The following OPCML variants were observed in gnomAD, a reference collection of about 807,000 sequenced individuals.
The protein encoded by OPCML is opioid binding protein/cell adhesion molecule like.
OPCML carries 13 observed loss-of-function variants against 37.8 expected under a neutral mutation model. The observed-to-expected ratio is 0.34, with a 90% CI of 0.22 to 0.55. The LOEUF (loss-of-function observed/expected upper bound fraction) is 0.55, where lower values mean the gene tolerates loss of function less well. Ranked by LOEUF, OPCML falls within the 20% of genes least tolerant of loss-of-function variation. OPCML has a pLI of 0.91. For synonymous variants in OPCML, 176 were observed against 168.8 expected (o/e 1.04, Z -0.33); for missense variants, 341 against 435.6 (o/e 0.78, Z 1.93).
intron 4 of OPCML, among the ~76,000 whole-genome samples, chr11:132,497,016 GT>G (rs1476895292): frequency 6.6e-6 from 1 of 152,082 alleles, no homozygotes; most frequent in Non-Finnish European, 1.5e-5. Context: ...CTCTGTGTGT[GT>G]GAGTGATGGT....
At chr11:132,823,993 C>T (rs1940147248) in intron 2 of OPCML, among the ~76,000 whole-genome samples, 1 of 152,208 alleles carries the variant, frequency 6.6e-6, no homozygotes, top group South Asian at 2.1e-4. Flanking sequence ...GGACACCTGT[C>T]TAATTGCTGG....
chr11:133,358,809 G>A (rs994832763), intron 1 of OPCML, among the ~76,000 whole-genome samples: 3 of 152,090 alleles, frequency 2.0e-5, no homozygotes, highest in Admixed American at 6.5e-5. Flanking sequence ...TGGGGGGAAG[G>A]CGTGTTCCTT....
intron 1 of OPCML, among the ~76,000 whole-genome samples, chr11:133,236,902 C>A (rs546710856): frequency 1.2e-4 from 17 of 147,406 alleles, no homozygotes; most frequent in Admixed American, 1.1e-3. Flanking sequence ...AGGGAGGATG[C>A]GTCAGGTTAT....
At chr11:132,859,464 A>G (rs138197424) in intron 2 of OPCML, 7 of 152,348 alleles carry the variant, frequency 4.6e-5, no homozygotes, top group African/African-American at 1.4e-4. Context: ...AGCTGTGTAG[A>G]TTAGGTTTTA....
chr11:133,307,975 T>C (rs1024455910), intron 1 of OPCML, among the ~76,000 whole-genome samples: 18 of 152,092 alleles, frequency 1.2e-4, no homozygotes, highest in African/African-American at 4.3e-4. Context: ...GAGTTCTGAA[T>C]CATGTTTAGT....
intron 1 of OPCML, among the ~76,000 whole-genome samples, chr11:133,344,650 C>T (rs969168779): frequency 1.3e-5 from 2 of 152,102 alleles, no homozygotes; most frequent in East Asian, 3.9e-4. Context: ...TTTTTGAGAA[C>T]CCCCCACACT....
intron 2 of OPCML, among the ~76,000 whole-genome samples, chr11:132,863,978 C>T (rs1053815286): frequency 6.6e-6 from 1 of 152,102 alleles, no homozygotes; most frequent in Non-Finnish European, 1.5e-5. Flanking sequence ...CATGCTGTCG[C>T]CCAGGCTGGA....
chr11:132,955,101 A>G (rs557217007), intron 1 of OPCML, among the ~76,000 whole-genome samples: 1 of 152,244 alleles, frequency 6.6e-6, no homozygotes, highest in South Asian at 2.1e-4. Context: ...AGGTGTGGAG[A>G]AAACAAATGC....
chr11:132,680,157 T>C (rs1942878328), intron 2 of OPCML, among the ~76,000 whole-genome samples: 1 of 152,172 alleles, frequency 6.6e-6, no homozygotes, highest in Non-Finnish European at 1.5e-5. Flanking sequence ...TGAGTGGCCG[T>C]GATCAAGCCA....
chr11:132,902,813 GA>G (rs1944108366), intron 2 of OPCML, among the ~76,000 whole-genome samples: 2 of 152,032 alleles, frequency 1.3e-5, no homozygotes, highest in African/African-American at 4.8e-5. Flanking sequence ...AAATAACCAG[GA>G]AAGAATCAAG....
chr11:133,347,222 A>C (rs1944023819), intron 1 of OPCML, among the ~76,000 whole-genome samples: 1 of 152,200 alleles, frequency 6.6e-6, no homozygotes, highest in South Asian at 2.1e-4. Flanking sequence ...GTGGCCTGAG[A>C]GTGGCCTGTT....
chr11:133,348,961 G>A (rs1274302394), intron 1 of OPCML, among the ~76,000 whole-genome samples: 1 of 152,170 alleles, frequency 6.6e-6, no homozygotes. Flanking sequence ...CAGCGTGCAG[G>A]CCTGGGTGTG....
chr11:132,539,130 A>G (rs2096348849), intron 3 of OPCML, among the ~76,000 whole-genome samples: 1 of 152,196 alleles, frequency 6.6e-6, no homozygotes, highest in African/African-American at 2.4e-5. Flanking sequence ...CATGTAAATT[A>G]TGGAGCTTAG....
chr11:132,629,230 C>T lies in OPCML; in HGVS notation c.379+27857G>A, dbSNP rs140724772. Among the ~76,000 whole-genome samples the T allele has an allele frequency of 2.6e-3, 401 of 152,280 alleles. 4 individuals carry two copies. The highest frequency in any genetic ancestry group is 9.3e-3 in the African/African-American group (388 of 41,562). ...TCCAAGAATCTGTGAATATAATGAA[C>T]TTCTTCCTCGTGACAGTCATCTCCA... is the stretch of plus-strand genomic sequence containing the variant. On this transcript the variant is annotated intron_variant, in intron 3 of 7. Coordinates refer to ENST00000524381, the MANE Select transcript of OPCML (RefSeq NM_001012393.5).
At chr11:132,914,068 G>A (rs1171228482) in intron 2 of OPCML, among the ~76,000 whole-genome samples, 1 of 152,184 alleles carries the variant, frequency 6.6e-6, no homozygotes, top group African/African-American at 2.4e-5. Context: ...CCATCTCACT[G>A]CTCTCACAAA....
At chr11:133,394,257 T>G (rs540267693) in intron 1 of OPCML, among the ~76,000 whole-genome samples, 1 of 152,216 alleles carries the variant, frequency 6.6e-6, no homozygotes. Context: ...TCTCTCATTC[T>G]TTTTTTAATT....
intron 1 of OPCML, among the ~76,000 whole-genome samples, chr11:133,168,827 G>T (rs1337678965): frequency 2.0e-5 from 3 of 152,194 alleles, no homozygotes; most frequent in Non-Finnish European, 4.4e-5. Flanking sequence ...AACCGCATGA[G>T]AAAGTAACTA....
chr11:132,698,589 C>T (rs1355181251), intron 2 of OPCML, among the ~76,000 whole-genome samples: 1 of 152,106 alleles, frequency 6.6e-6, no homozygotes, highest in East Asian at 1.9e-4. Flanking sequence ...TAGGCTGTCT[C>T]TTCACTCTGT....
intron 1 of OPCML, among the ~76,000 whole-genome samples, chr11:133,247,160 T>A (rs1263970192): frequency 6.6e-6 from 1 of 151,972 alleles, no homozygotes; most frequent in Non-Finnish European, 1.5e-5. Context: ...TATAAACATA[T>A]CACGAAGAAT....
Sources: allele counts gnomAD v4.1 joint callset (sites outside exome capture counted in the v4.1 genomes callset), GRCh38; gene constraint gnomAD v4.1.1; transcripts MANE v1.5; gene names NCBI Gene and HGNC (gene_info 2026-07-23, HGNC 2026-07-21).